CDKN2B-AS1: variants seen among roughly 807,000 people sequenced by gnomAD.
The protein encoded by CDKN2B-AS1 is CDKN2B antisense RNA 1 (non-protein coding).
rs182727254 is a variant in CDKN2B-AS1, at chr9:22,071,857, T to C, written n.438+15470T>C. ...AGTCAGTATTACTTACTTACTTTTG[T>C]ATTCCACAGTGCAGTTTGATATTGT... On this transcript the variant is annotated intron_variant and non_coding_transcript_variant, in intron 4 of 4. Transcript: ENST00000650946. Among the ~76,000 whole-genome samples the C allele has an allele frequency of 2.4e-3, 371 of 152,362 alleles. 2 individuals carry two copies. The highest frequency in any genetic ancestry group is 0.017 in the Middle Eastern group (5 of 294).
chr9:22,012,366 T>C, intron 1 of CDKN2B-AS1: 1 of 1,048,764 alleles, frequency 9.5e-7, no homozygotes, highest in South Asian at 1.3e-5. Flanking sequence ...CACCTGGTGC[T>C]GCACCTGCGA....
At chr9:22,011,199 C>G (rs925833959) in intron 1 of CDKN2B-AS1, among the ~76,000 whole-genome samples, 3 of 152,204 alleles carry the variant, frequency 2.0e-5, no homozygotes, top group Non-Finnish European at 4.4e-5. Flanking sequence ...TCCAAAGCCC[C>G]TTTTCTCCCG....
chr9:22,005,420 C>G lies in CDKN2B-AS1; in HGVS notation n.29+10259C>G, dbSNP rs984392072. The G allele has an allele frequency of 2.0e-5, 5 of 246,396 alleles. No homozygotes were observed. Among genetic ancestry groups the G allele is most frequent in the Admixed American group, 5.0e-5 (1 of 20,088 alleles). 15.3% of individuals were successfully genotyped at this position (246,396 alleles called of 1,614,324 possible). The stretch of plus-strand genomic sequence containing the variant: ...TCGTTTACGCATGTGACTTGCCATG[C>G]GCTCAAACTAAAGCGCCGCCGGGGA... On this transcript the variant is annotated intron_variant and non_coding_transcript_variant, in intron 1 of 4. Transcript: ENST00000650946. The surrounding 1 kb of genome is among the most constrained non-coding windows in gnomAD (Gnocchi z 4.9).
chr9:22,008,993 C>T (rs1821349383), intron 1 of CDKN2B-AS1: 1 of 1,613,432 alleles, frequency 6.2e-7, no homozygotes, highest in Non-Finnish European at 8.5e-7. Context: ...GATAATCCAC[C>T]GTTGGCCGTA....
Position 22,010,898 on chromosome 9 carries a change from G to A in CDKN2B-AS1, n.29+15737G>A, listed in dbSNP as rs546116239. Among the ~76,000 whole-genome samples the A allele has an allele frequency of 1.2e-3, 183 of 152,306 alleles. 3 individuals are homozygous for A. Among genetic ancestry groups the A allele is most frequent in the African/African-American group, 4.3e-3 (177 of 41,582 alleles). On this transcript the variant is annotated intron_variant and non_coding_transcript_variant, in intron 1 of 4. Transcript: ENST00000650946. ...TAGTAAATATGTCAGAAAAATGAAA[G>A]CTGTTTGGAGTTGATAAGGAAATGG...
Position 22,000,964 on chromosome 9 carries a change from C to T in CDKN2B-AS1, n.29+5803C>T, listed in dbSNP as rs961734230. Among the ~76,000 whole-genome samples, 6 of 151,990 alleles carry T rather than the reference C, an allele frequency of 3.9e-5. No individual in the cohort carries two copies. The highest frequency in any genetic ancestry group is 1.2e-4 in the African/African-American group (5 of 41,386). On this transcript the variant is annotated intron_variant and non_coding_transcript_variant, in intron 1 of 4. Coordinates refer to ENST00000650946, the Ensembl canonical transcript of CDKN2B-AS1. This position sits in a 1 kb window ranked among gnomAD's most constrained non-coding sequence, Gnocchi z 4.1. ...CCATAGCTCAGTACCTAGTATCTGG[C>T]GCAGAAAGAAGTGGAATGGAATTAT... is the stretch of plus-strand genomic sequence containing the variant.
At chr9:22,019,032 G>C (rs772264543) in intron 1 of CDKN2B-AS1, among the ~76,000 whole-genome samples, 1 of 152,206 alleles carries the variant, frequency 6.6e-6, no homozygotes, top group Non-Finnish European at 1.5e-5. Flanking sequence ...CAAGGAAGGG[G>C]ATGTGAGTCA....
intron 4 of CDKN2B-AS1, among the ~76,000 whole-genome samples, chr9:22,095,189 G>A (rs62555369): frequency 1.4e-5 from 2 of 144,822 alleles, no homozygotes. Context: ...TCTCAGAGGG[G>A]TACCCAGCCG....
intron 4 of CDKN2B-AS1, among the ~76,000 whole-genome samples, chr9:22,125,497 A>G (rs1280423851): frequency 3.9e-5 from 6 of 152,242 alleles, no homozygotes; most frequent in Non-Finnish European, 7.3e-5. Flanking sequence ...CCATATGATC[A>G]ACAGTTGAAA....
intron 4 of CDKN2B-AS1, among the ~76,000 whole-genome samples, chr9:22,077,126 T>C (rs1236278935): frequency 3.3e-5 from 5 of 152,178 alleles, no homozygotes; most frequent in African/African-American, 1.2e-4. Flanking sequence ...TAATCACTAT[T>C]TTATTCTCTA....
intron 1 of CDKN2B-AS1, among the ~76,000 whole-genome samples, chr9:22,035,603 A>C (rs927044080): frequency 6.6e-6 from 1 of 152,016 alleles, no homozygotes; most frequent in African/African-American, 2.4e-5. Flanking sequence ...CATCTGTTCT[A>C]CTTGTGGAAT....
At chr9:22,105,692 G>A (rs1267730055) in intron 4 of CDKN2B-AS1, among the ~76,000 whole-genome samples, 13 of 152,310 alleles carry the variant, frequency 8.5e-5, no homozygotes, top group Admixed American at 2.0e-4. Flanking sequence ...GTTCAGTAGG[G>A]AGCATAAATT....
In CDKN2B-AS1 at chr9:22,006,320, G is replaced by T. The variant is rs1821188698; in HGVS notation, n.29+11159G>T. The T allele has an allele frequency of 3.1e-6, 5 of 1,587,930 alleles. No homozygotes were observed. The highest frequency in any genetic ancestry group is 4.3e-6 in the Non-Finnish European group (5 of 1,173,418). On this transcript the variant is annotated intron_variant and non_coding_transcript_variant, in intron 1 of 4. Coordinates refer to ENST00000650946, the Ensembl canonical transcript of CDKN2B-AS1. The surrounding 1 kb of genome is among the most constrained non-coding windows in gnomAD (Gnocchi z 6.4). ...GGAGATGCCGGCCGGGGCAAGGCAG[G>T]TGGAGCCATTTAAAGAAACACCTAA...
chr9:22,118,940 G>A (rs1826028459), intron 4 of CDKN2B-AS1: 1 of 152,198 alleles, frequency 6.6e-6, no homozygotes, highest in Non-Finnish European at 1.5e-5. Flanking sequence ...TTCTTATTTA[G>A]GGGTGCATAC....
chr9:22,077,997 T>G (rs534989083), intron 4 of CDKN2B-AS1: 1 of 152,068 alleles, frequency 6.6e-6, no homozygotes, highest in African/African-American at 2.4e-5. Flanking sequence ...TATTTTTAAG[T>G]TTTTTTTCAC....
At chr9:22,117,760 T>G (rs1412235013) in intron 4 of CDKN2B-AS1, 1 of 152,182 alleles carries the variant, frequency 6.6e-6, no homozygotes, top group African/African-American at 2.4e-5. Context: ...CAAGGCAATA[T>G]CAGGTTTTTA....
At chr9:22,126,636 T>G (rs943120663) in intron 4 of CDKN2B-AS1, among the ~76,000 whole-genome samples, 3 of 141,318 alleles carry the variant, frequency 2.1e-5, no homozygotes, top group Non-Finnish European at 3.0e-5. Flanking sequence ...GCAGTGGCGC[T>G]ATCTCGGCTC....
intron 4 of CDKN2B-AS1, among the ~76,000 whole-genome samples, chr9:22,085,720 C>CA (rs5896963): frequency 0.013 from 1,498 of 117,724 alleles, 16 homozygotes; most frequent in South Asian, 0.03. Context: ...GACTCCGTCT[C>CA]AAAAAAAAAA....
exon 5 of CDKN2B-AS1, among the ~76,000 whole-genome samples, chr9:22,127,483 G>T (rs1413592034): frequency 1.3e-5 from 2 of 152,200 alleles, no homozygotes; most frequent in African/African-American, 4.8e-5. Context: ...TCTCACAGCT[G>T]GTGAATTAGA....
Sources: gnomAD v4.1 joint callset for allele counts (sites outside exome capture counted in the v4.1 genomes callset) on GRCh38, gnomAD v4.1.1 for gene constraint, Gnocchi (gnomAD v3.1) non-coding constraint, MANE v1.5 for transcripts, NCBI Gene and HGNC (gene_info 2026-07-23, HGNC 2026-07-21) for gene names.